The following C1QTNF7 variants were observed in gnomAD, a reference collection of about 807,000 sequenced individuals.
C1QTNF7 encodes the protein C1q and TNF related 7.
Under a neutral mutation model 19.6 loss-of-function variants are expected in C1QTNF7, and 15 were observed. That is an observed-to-expected ratio of 0.76 (90% CI 0.51 to 1.18). C1QTNF7 has a LOEUF of 1.18. C1QTNF7 is among the 50% of genes most tolerant of loss of function. C1QTNF7 has a pLI of 0.00. For missense variants in C1QTNF7, 324 were observed against 359.7 expected (o/e 0.90, Z 0.80); for synonymous variants, 142 against 137.5 (o/e 1.03, Z -0.23).
intron 1 of C1QTNF7, among the ~76,000 whole-genome samples, chr4:15,385,619 T>C (rs1718304200): frequency 6.6e-6 from 1 of 151,904 alleles, no homozygotes. Flanking sequence ...CTGGGAGAGG[T>C]GGGAAGCTAC....
At chr4:15,407,990 C>T (rs1392021613) in intron 1 of C1QTNF7, among the ~76,000 whole-genome samples, 1 of 152,000 alleles carries the variant, frequency 6.6e-6, no homozygotes, top group Admixed American at 6.6e-5. Flanking sequence ...GAAAGTAGGC[C>T]GGGCTTGGTG....
intron 1 of C1QTNF7, among the ~76,000 whole-genome samples, chr4:15,371,127 T>G (rs374278551): frequency 5.9e-5 from 9 of 152,358 alleles, no homozygotes; most frequent in African/African-American, 2.2e-4. Flanking sequence ...AGCTCCATCC[T>G]GCAGAGGGCC....
intron 1 of C1QTNF7, among the ~76,000 whole-genome samples, chr4:15,430,085 CTAAA>C (rs1712236965): frequency 1.3e-5 from 2 of 152,142 alleles, no homozygotes; most frequent in African/African-American, 4.8e-5. Flanking sequence ...GGCTCCATGA[CTAAA>C]TAAATTCACA....
At chr4:15,379,827 A>G (rs904948021) in intron 1 of C1QTNF7, among the ~76,000 whole-genome samples, 3 of 152,220 alleles carry the variant, frequency 2.0e-5, no homozygotes, top group African/African-American at 4.8e-5. Flanking sequence ...AAAAGAGACA[A>G]AATGATTCCT....
intron 1 of C1QTNF7, among the ~76,000 whole-genome samples, chr4:15,343,530 C>T (rs1336754303): frequency 1.3e-5 from 2 of 152,010 alleles, no homozygotes; most frequent in Non-Finnish European, 2.9e-5. Context: ...GAAAGTCAGC[C>T]TTTGCCTAAG....
chr4:15,412,268 C>G (rs114873639), intron 1 of C1QTNF7, among the ~76,000 whole-genome samples: 14 of 152,074 alleles, frequency 9.2e-5, no homozygotes, highest in African/African-American at 3.4e-4. Context: ...ATAATAGAAA[C>G]AAAGTGCACA....
At chr4:15,431,307 C>T (rs962865347) in intron 1 of C1QTNF7, among the ~76,000 whole-genome samples, 12 of 151,978 alleles carry the variant, frequency 7.9e-5, no homozygotes, top group African/African-American at 2.4e-4. Context: ...GAAAAGGCAA[C>T]GTACAGAACA....
chr4:15,346,323 T>G (rs541429960), intron 1 of C1QTNF7, among the ~76,000 whole-genome samples: 39 of 152,302 alleles, frequency 2.6e-4, no homozygotes, highest in African/African-American at 8.4e-4. Context: ...TTGGTTCTAA[T>G]TAATGAATTA....
In C1QTNF7 at chr4:15,364,113, T is replaced by A. The variant is rs543227722; in HGVS notation, c.13+23906T>A. On this transcript the variant is annotated intron_variant, in intron 1 of 2. Transcript: ENST00000295297. ...AGTGTTATCTGTATTCTCTAAACCA[T>A]CACACCCCTGACTTGTCAGATCCTG... 1.3e-4 allele frequency among the ~76,000 whole-genome samples: 20 copies of A among 152,348 alleles called. 1 individual carries two copies. The highest frequency in any genetic ancestry group is 4.3e-4 in the African/African-American group (18 of 41,586).
intron 1 of C1QTNF7, among the ~76,000 whole-genome samples, chr4:15,352,850 A>T (rs1716985049): frequency 6.6e-6 from 1 of 152,156 alleles, no homozygotes; most frequent in South Asian, 2.1e-4. Flanking sequence ...ACGCCAGCTC[A>T]TCTGGCCATC....
intron 1 of C1QTNF7, among the ~76,000 whole-genome samples, chr4:15,429,405 C>T (rs13123785): frequency 0.26 from 39,876 of 152,124 alleles, 6,194 homozygotes; most frequent in East Asian, 0.37. Context: ...TCTTCCCTTC[C>T]TCCTCCAACA....
intron 1 of C1QTNF7, among the ~76,000 whole-genome samples, chr4:15,431,083 T>C (rs1393822058): frequency 2.0e-5 from 3 of 151,972 alleles, no homozygotes; most frequent in Non-Finnish European, 4.4e-5. Flanking sequence ...GATAGATAGA[T>C]AGATAGATAG....
At chr4:15,394,257 C>T (rs537238770) in intron 1 of C1QTNF7, among the ~76,000 whole-genome samples, 1 of 152,290 alleles carries the variant, frequency 6.6e-6, no homozygotes, top group African/African-American at 2.4e-5. Context: ...TGGGGTGAAA[C>T]CCAAGGGCAG....
chr4:15,415,013 C>A (rs981314218), intron 1 of C1QTNF7, among the ~76,000 whole-genome samples: 6 of 152,256 alleles, frequency 3.9e-5, no homozygotes, highest in Middle Eastern at 3.4e-3. Context: ...GTGCGCATAC[C>A]CTTACATCAC....
At chr4:15,424,991 C>T (rs1711972042), upstream of C1QTNF7, among the ~76,000 whole-genome samples, 1 of 152,082 alleles carries the variant, frequency 6.6e-6, no homozygotes, top group African/African-American at 2.4e-5. Context: ...TTGCTCTCTA[C>T]TGAATACCCA....
chr4:15,370,261 C>G (rs1717672942), intron 1 of C1QTNF7, among the ~76,000 whole-genome samples: 1 of 152,028 alleles, frequency 6.6e-6, no homozygotes, highest in South Asian at 2.1e-4. Flanking sequence ...CGAAAAAAAG[C>G]ATTCTGTTTG....
intron 1 of C1QTNF7, among the ~76,000 whole-genome samples, chr4:15,369,730 G>A (rs906602123): frequency 2.0e-5 from 3 of 152,174 alleles, no homozygotes; most frequent in East Asian, 3.9e-4. Flanking sequence ...ATCCTGTGAT[G>A]AAAACAATGG....
At chr4:15,389,637 TCAA>T (rs1718480252) in intron 1 of C1QTNF7, among the ~76,000 whole-genome samples, 1 of 152,102 alleles carries the variant, frequency 6.6e-6, no homozygotes, top group Non-Finnish European at 1.5e-5. Context: ...CAGGCTGGTC[TCAA>T]ACTCCTGACC....
intron 1 of C1QTNF7, among the ~76,000 whole-genome samples, chr4:15,375,182 C>G (rs942669680): frequency 1.8e-4 from 28 of 152,088 alleles, no homozygotes; most frequent in African/African-American, 6.5e-4. Flanking sequence ...ATTGAAGGTG[C>G]TTTCTTCATT....
Sources: gnomAD v4.1 joint callset for allele counts (sites outside exome capture counted in the v4.1 genomes callset) on GRCh38, gnomAD v4.1.1 for gene constraint, MANE v1.5 for transcripts, NCBI Gene and HGNC (gene_info 2026-07-23, HGNC 2026-07-21) for gene names.